Variants in TNIK observed in about 807,000 individuals in gnomAD.
The protein encoded by TNIK is TRAF2 and NCK interacting kinase, also known as TRAF2 and NCK-interacting protein kinase.
TNIK carries 49 observed loss-of-function variants against 191.3 expected under a neutral mutation model. The ratio of observed to expected loss-of-function variants is 0.26; its 90% confidence interval spans 0.20 to 0.32. TNIK has a LOEUF of 0.32. Ranked by LOEUF, TNIK falls within the 10% of genes least tolerant of loss-of-function variation. TNIK has a pLI of 1.00. For missense variants in TNIK, 1,155 were observed against 1,702.3 expected, an observed-to-expected ratio of 0.68 and a Z score of 5.66; for synonymous variants, 594 against 600.9, an observed-to-expected ratio of 0.99 and a Z score of 0.17.
chr3:171,133,729 G>A (rs1200638225), intron 15 of TNIK, among the ~76,000 whole-genome samples: 1 of 152,138 alleles, frequency 6.6e-6, no homozygotes, highest in Non-Finnish European at 1.5e-5. Flanking sequence ...ATGCTAGTTT[G>A]GGAACTTTAT....
chr3:171,116,398 T>C (rs1006060795), intron 18 of TNIK, among the ~76,000 whole-genome samples: 9 of 152,248 alleles, frequency 5.9e-5, no homozygotes, highest in African/African-American at 2.2e-4. Context: ...AGTTCAGACA[T>C]TTGCCATCCT....
chr3:171,323,890 T>G (rs1320739158), intron 2 of TNIK, among the ~76,000 whole-genome samples: 2 of 152,168 alleles, frequency 1.3e-5, no homozygotes, highest in Non-Finnish European at 2.9e-5. Flanking sequence ...AAATGGTTAG[T>G]GCTTGGTACC....
intron 17 of TNIK, among the ~76,000 whole-genome samples, chr3:171,123,959 G>A (rs1475108944): frequency 6.6e-6 from 1 of 152,272 alleles, no homozygotes; most frequent in East Asian, 1.9e-4. Flanking sequence ...CAAATTTAAA[G>A]ATAGGTAAAG....
intron 1 of TNIK, among the ~76,000 whole-genome samples, chr3:171,451,594 A>G (rs780606255): frequency 6.6e-6 from 1 of 152,244 alleles, no homozygotes; most frequent in Non-Finnish European, 1.5e-5. Flanking sequence ...AGACCTAAAT[A>G]ATAAGATGGA....
intron 9 of TNIK, among the ~76,000 whole-genome samples, chr3:171,171,895 C>T (rs1049804106): frequency 6.6e-6 from 1 of 152,102 alleles, no homozygotes; most frequent in African/African-American, 2.4e-5. Context: ...CTTTGGTTTC[C>T]TCTGATTCCA....
chr3:171,406,055 A>G (rs545837391), intron 1 of TNIK, among the ~76,000 whole-genome samples: 1 of 152,358 alleles, frequency 6.6e-6, no homozygotes, highest in East Asian at 1.9e-4. Flanking sequence ...TGTATGATCA[A>G]TGGTACAATA....
intron 2 of TNIK, among the ~76,000 whole-genome samples, chr3:171,363,279 A>T (rs1234492537): frequency 6.6e-6 from 1 of 152,202 alleles, no homozygotes; most frequent in Non-Finnish European, 1.5e-5. Flanking sequence ...CTTCCTCCCC[A>T]GTAAAATGAG....
At chr3:171,456,116 A>T (rs1160909773) in intron 1 of TNIK, among the ~76,000 whole-genome samples, 1 of 152,174 alleles carries the variant, frequency 6.6e-6, no homozygotes, top group Non-Finnish European at 1.5e-5. Flanking sequence ...ACAAAAGTGT[A>T]TGTGAGTCCT....
At chr3:171,274,239 GAATT>G (rs1749452807) in intron 2 of TNIK, among the ~76,000 whole-genome samples, 2 of 152,288 alleles carry the variant, frequency 1.3e-5, no homozygotes, top group African/African-American at 4.8e-5. Flanking sequence ...TAATTCTCAA[GAATT>G]AATCTGAGAT....
At chr3:171,080,443 A>T (rs2009398) in intron 27 of TNIK, among the ~76,000 whole-genome samples, 7,795 of 150,030 alleles carry the variant, frequency 0.052, 403 homozygotes, top group African/African-American at 0.13. Context: ...TTATTTATTT[A>T]TTTTTTTTTG....
At chr3:171,416,965 A>C (rs929698990) in intron 1 of TNIK, among the ~76,000 whole-genome samples, 1 of 152,196 alleles carries the variant, frequency 6.6e-6, no homozygotes, top group Non-Finnish European at 1.5e-5. Flanking sequence ...GCTTACATAG[A>C]GTACATAGCT....
chr3:171,433,765 A>T (rs1725659033), intron 1 of TNIK, among the ~76,000 whole-genome samples: 1 of 152,006 alleles, frequency 6.6e-6, no homozygotes, highest in South Asian at 2.1e-4. Context: ...AATATTACTA[A>T]ATTTTCCTAT....
At chr3:171,140,796 A>T (rs1373977441) in intron 12 of TNIK, among the ~76,000 whole-genome samples, 1 of 152,178 alleles carries the variant, frequency 6.6e-6, no homozygotes, top group Non-Finnish European at 1.5e-5. Context: ...AGGGTTTTCA[A>T]GTCAGGCGTA....
intron 22 of TNIK, among the ~76,000 whole-genome samples, chr3:171,100,769 G>C (rs1459826426): frequency 7.4e-6 from 1 of 134,596 alleles, no homozygotes; most frequent in African/African-American, 2.8e-5. Flanking sequence ...AAAAGAAAAA[G>C]GCTACAATTA....
At chr3:171,108,247 T>G (rs1725273428) in intron 19 of TNIK, 85 bp from the exon 20 acceptor site, 1 of 1,039,938 alleles carries the variant, frequency 9.6e-7, no homozygotes, top group South Asian at 1.9e-5. Flanking sequence ...CTGTGATGTG[T>G]CATCACATTG....
intron 12 of TNIK, among the ~76,000 whole-genome samples, chr3:171,156,336 C>T (rs181372769): frequency 1.0e-3 from 157 of 152,290 alleles, no homozygotes; most frequent in Non-Finnish European, 1.4e-3. Flanking sequence ...GAGGCTGGAC[C>T]TTGATGTACC....
At chr3:171,313,208 A>AT (rs1449017539) in intron 2 of TNIK, among the ~76,000 whole-genome samples, 2 of 151,724 alleles carry the variant, frequency 1.3e-5, no homozygotes, top group Non-Finnish European at 2.9e-5. Flanking sequence ...TATCTTTGTT[A>AT]TTTTTTTGTG....
At chr3:171,206,925 CACAAAATGA>C (rs1740165340) in intron 4 of TNIK, among the ~76,000 whole-genome samples, 1 of 152,104 alleles carries the variant, frequency 6.6e-6, no homozygotes, top group Admixed American at 6.6e-5. Context: ...TGGCCCATCT[CACAAAATGA>C]ATGAAATTAA....
intron 18 of TNIK, among the ~76,000 whole-genome samples, chr3:171,118,646 C>G (rs1356313738): frequency 7.2e-5 from 11 of 152,190 alleles, no homozygotes; most frequent in Non-Finnish European, 1.5e-4. Context: ...ATATCTATAA[C>G]TATCTGATCT....
Sources: gnomAD v4.1 joint callset for allele counts (sites outside exome capture counted in the v4.1 genomes callset) on GRCh38, gnomAD v4.1.1 for gene constraint, MANE v1.5 for transcripts, NCBI Gene and HGNC (gene_info 2026-07-23, HGNC 2026-07-21) for gene names.